The following SGCD variants were observed in gnomAD, a reference collection of about 807,000 sequenced individuals.
The protein encoded by SGCD is delta-sarcoglycan.
Under a neutral mutation model 36.6 loss-of-function variants are expected in SGCD, and 18 were observed. The observed-to-expected ratio is 0.49, with a 90% CI of 0.34 to 0.73. SGCD has a LOEUF of 0.73. Ranked by LOEUF, SGCD falls within the 30% of genes least tolerant of loss-of-function variation. The pLI is 0.01. For synonymous variants in SGCD, 133 were observed against 130.6 expected, an observed-to-expected ratio of 1.02 and a Z score of -0.12; for missense variants, 387 against 346.7, an observed-to-expected ratio of 1.12 and a Z score of -0.92.
At chr5:156,374,643 C>A (rs115674853) in intron 3 of SGCD, among the ~76,000 whole-genome samples, 5,140 of 148,046 alleles carry the variant, frequency 0.035, 232 homozygotes, top group African/African-American at 0.098. Flanking sequence ...CATGAATAAA[C>A]AATACAAAGC....
intron 8 of SGCD, 45 bp from the exon 9 acceptor site, chr5:156,759,172 C>T (rs375577906): frequency 4.6e-4 from 689 of 1,492,390 alleles, no homozygotes; most frequent in Admixed American, 6.5e-4. Context: ...AGAGAAGAGA[C>T]GACAGCCTCT....
intron 4 of SGCD, among the ~76,000 whole-genome samples, chr5:156,572,729 T>C (rs1759772451): frequency 6.6e-6 from 1 of 152,206 alleles, no homozygotes; most frequent in Admixed American, 6.5e-5. Context: ...AGACACATAC[T>C]AATTGAAGCA....
chr5:156,694,134 C>G (rs1754217456), intron 7 of SGCD, among the ~76,000 whole-genome samples: 1 of 152,152 alleles, frequency 6.6e-6, no homozygotes, highest in Non-Finnish European at 1.5e-5. Context: ...TATAACATCT[C>G]CAGTAGCTAA....
At chr5:155,783,782 C>T in the SGCD span, among the ~76,000 whole-genome samples, 1 of 152,178 alleles carries the variant, frequency 6.6e-6, no homozygotes, top group Admixed American at 6.5e-5. Context: ...TCGCCTAAAG[C>T]ATTCTCTTCC....
At chr5:156,444,146 T>TC (rs1753654731) in intron 3 of SGCD, among the ~76,000 whole-genome samples, 2 of 50,152 alleles carry the variant, frequency 4.0e-5, no homozygotes, top group African/African-American at 1.4e-4. Flanking sequence ...CTCCTTCCCT[T>TC]TCTCTCTCTC....
chr5:155,871,465 A>G (rs1038757084), intron 1 of SGCD, among the ~76,000 whole-genome samples: 10 of 152,122 alleles, frequency 6.6e-5, no homozygotes, highest in African/African-American at 2.2e-4. Context: ...TAGTAAGATG[A>G]ATGGAAAGAT....
At chr5:156,077,519 A>G (rs1381973089) in intron 1 of SGCD, among the ~76,000 whole-genome samples, 3 of 152,088 alleles carry the variant, frequency 2.0e-5, no homozygotes, top group African/African-American at 7.2e-5. Flanking sequence ...GAAATTTGGG[A>G]GTGACTTCTT....
intron 1 of SGCD, among the ~76,000 whole-genome samples, chr5:155,903,474 C>T (rs1228582354): frequency 1.3e-5 from 2 of 152,108 alleles, no homozygotes; most frequent in African/African-American, 4.8e-5. Flanking sequence ...GTCAGGTAAA[C>T]TCCATTGGTT....
At chr5:156,001,806 G>C in intron 1 of SGCD, among the ~76,000 whole-genome samples, 1 of 152,200 alleles carries the variant, frequency 6.6e-6, no homozygotes, top group East Asian at 1.9e-4. Context: ...AGCAGGACTC[G>C]GGCGGAGCCC....
At chr5:156,509,030 C>T (rs1279323475) in intron 4 of SGCD, among the ~76,000 whole-genome samples, 1 of 152,158 alleles carries the variant, frequency 6.6e-6, no homozygotes, top group African/African-American at 2.4e-5. Context: ...TTATTTTATT[C>T]ATCAAGTACT....
intron 3 of SGCD, among the ~76,000 whole-genome samples, chr5:156,176,705 A>G (rs1461270054): frequency 1.3e-5 from 2 of 152,224 alleles, no homozygotes; most frequent in Non-Finnish European, 2.9e-5. Context: ...TGCAGGCTCT[A>G]AAAGACTCTA....
chr5:155,778,309 A>T, the SGCD span, among the ~76,000 whole-genome samples: 1 of 152,202 alleles, frequency 6.6e-6, no homozygotes, highest in Non-Finnish European at 1.5e-5. Flanking sequence ...GAAAAAAATG[A>T]GTTCATGCAT....
At chr5:155,889,801 C>T (rs1228718596) in intron 1 of SGCD, among the ~76,000 whole-genome samples, 1 of 152,146 alleles carries the variant, frequency 6.6e-6, no homozygotes, top group Admixed American at 6.6e-5. Flanking sequence ...TGATGTGGTC[C>T]ATGTGACTGT....
intron 7 of SGCD, among the ~76,000 whole-genome samples, chr5:156,736,163 A>T (rs759300928): frequency 2.0e-5 from 3 of 152,024 alleles, no homozygotes; most frequent in Non-Finnish European, 4.4e-5. Flanking sequence ...TGGATGTGTC[A>T]GTTGGCAGTG....
chr5:156,666,310 G>A (rs1264420437), intron 7 of SGCD, among the ~76,000 whole-genome samples: 45 of 14,440 alleles, frequency 3.1e-3, no homozygotes, highest in East Asian at 0.012. Flanking sequence ...GCCCTAAGGC[G>A]GTTTTTCCCT....
intron 1 of SGCD, among the ~76,000 whole-genome samples, chr5:155,880,508 T>G (rs781456881): frequency 1.8e-4 from 27 of 152,278 alleles, no homozygotes; most frequent in Non-Finnish European, 3.1e-4. Context: ...ACATCTCCCC[T>G]GGTGTCTGTC....
chr5:156,285,515 T>C (rs1011954862), intron 3 of SGCD, among the ~76,000 whole-genome samples: 3 of 152,040 alleles, frequency 2.0e-5, no homozygotes, highest in Non-Finnish European at 4.4e-5. Context: ...TCAGAAATAA[T>C]GCCACATATC....
intron 6 of SGCD, among the ~76,000 whole-genome samples, chr5:156,619,667 A>G (rs1762167062): frequency 6.6e-6 from 1 of 152,170 alleles, no homozygotes; most frequent in African/African-American, 2.4e-5. Context: ...GGCCAAGGGG[A>G]ATGTTGGTAT....
intron 1 of SGCD, among the ~76,000 whole-genome samples, chr5:156,024,384 C>T (rs1759179836): frequency 6.6e-6 from 1 of 151,560 alleles, no homozygotes; most frequent in Non-Finnish European, 1.5e-5. Flanking sequence ...AACATTTGGC[C>T]TACAAGATTG....
Sources: allele counts gnomAD v4.1 joint callset (sites outside exome capture counted in the v4.1 genomes callset), GRCh38; gene constraint gnomAD v4.1.1; transcripts MANE v1.5; gene names NCBI Gene and HGNC (gene_info 2026-07-23, HGNC 2026-07-21).